Variants in SLC45A2 observed in about 807,000 individuals in gnomAD.
The protein encoded by SLC45A2 is membrane-associated transporter protein.
In SLC45A2, 36 loss-of-function variants were observed where a neutral mutation model predicts 45.5. The observed-to-expected ratio is 0.79, with a 90% CI of 0.61 to 1.04. The LOEUF is 1.04. SLC45A2 is among the 50% of genes least tolerant of loss of function. SLC45A2 has a pLI of 0.00. For synonymous variants in SLC45A2, 306 were observed against 269.3 expected (o/e 1.14, Z -1.33); for missense variants, 719 against 671.0 (o/e 1.07, Z -0.79).
At chr5:33,982,465 G>T (rs1009058929) in intron 1 of SLC45A2, 53 bp from the exon 2 acceptor site, 1 of 1,562,292 alleles carries the variant, frequency 6.4e-7, no homozygotes, top group African/African-American at 1.4e-5. Context: ...AATCATCCGC[G>T]TTTTGTAATT....
intron 2 of SLC45A2, among the ~76,000 whole-genome samples, chr5:33,965,037 T>C (rs1752565335): frequency 6.6e-6 from 1 of 152,242 alleles, no homozygotes; most frequent in Non-Finnish European, 1.5e-5. Flanking sequence ...CACAAACTTA[T>C]GTAGGACTGA....
intron 2 of SLC45A2, among the ~76,000 whole-genome samples, chr5:33,977,990 G>A (rs1406943373): frequency 6.6e-6 from 1 of 152,160 alleles, no homozygotes; most frequent in African/African-American, 2.4e-5. Flanking sequence ...GAAGAAACTG[G>A]AGACTGGAGA....
intron 6 of SLC45A2, 70 bp from the exon 7 acceptor site, chr5:33,944,942 T>A: frequency 6.8e-7 from 1 of 1,475,970 alleles, no homozygotes; most frequent in South Asian, 1.2e-5. Flanking sequence ...GTCAGCAAAA[T>A]TTTTCTGTGA....
intron 2 of SLC45A2, chr5:33,972,585 A>C (rs1172466507): frequency 5.9e-6 from 1 of 168,108 alleles, no homozygotes; most frequent in African/African-American, 2.4e-5. Flanking sequence ...AAAGTGGCTG[A>C]TTCTAAGACG....
At position 33,963,685 on chromosome 5, in the gene SLC45A2, C is replaced by A; in HGVS notation, c.888+6G>T. 1.9e-6 allele frequency: 3 copies of A among 1,613,574 alleles called. No individual in the cohort carries two copies. The highest frequency in any genetic ancestry group is 2.2e-5 in the South Asian group (2 of 91,066). Reference sequence around the variant, plus strand: ...CCCTTGTAAAGAAAAAATGTTGCATCTTTACCTGTTCAGCATGATTTTTGT... The same window carrying A: ...CCCTTGTAAAGAAAAAATGTTGCATATTTACCTGTTCAGCATGATTTTTGT... On this transcript the variant is annotated splice_donor_region_variant and intron_variant, in intron 3 of 6. Transcript: ENST00000296589.
intron 2 of SLC45A2, among the ~76,000 whole-genome samples, chr5:33,978,433 T>A (rs931505565): frequency 6.6e-6 from 1 of 152,060 alleles, no homozygotes; most frequent in African/African-American, 2.4e-5. Flanking sequence ...AGTTTTTTTT[T>A]AGAGAGCCTG....
At chr5:33,969,694 T>C (rs1490729142) in intron 2 of SLC45A2, among the ~76,000 whole-genome samples, 2 of 152,168 alleles carry the variant, frequency 1.3e-5, no homozygotes, top group Non-Finnish European at 1.5e-5. Flanking sequence ...GGTGCACACA[T>C]ATTGGTAAAT....
intron 2 of SLC45A2, among the ~76,000 whole-genome samples, chr5:33,973,268 G>A (rs978923572): frequency 2.0e-5 from 3 of 152,124 alleles, no homozygotes; most frequent in Non-Finnish European, 4.4e-5. Flanking sequence ...ATGGAAAAGA[G>A]ATGGCAATTT....
rs1027548730 is a variant in SLC45A2, at chr5:33,982,552, T to C, written c.386-140A>G. ...TTTTCCAAATAAAAATAGCTTTACA[T>C]TTTTTTTCAGGTTTTAAAAATTATG... On this transcript the variant is annotated intron_variant, in intron 1 of 6. Transcript: ENST00000296589. The C allele has an allele frequency of 3.6e-6, 3 of 827,942 alleles. No homozygotes were observed. In the African/African-American group the frequency reaches 5.2e-5, roughly 14 times the overall value. The allele number at this position is 827,942 out of a possible 1,614,324, so 51.3% of individuals were successfully genotyped here. A position where few individuals can be genotyped will look rare whatever the true frequency, so the allele number is the denominator to read the frequency against.
Position 33,963,569 on chromosome 5 carries a change from A to G in SLC45A2, c.888+122T>C. ...GATGATAGCTACGGGGGATTTGGGA[A>G]TTCAGTTAGACCCCATGAAACTCTT... On this transcript the variant is annotated intron_variant, in intron 3 of 6. Transcript: ENST00000296589. 16 of 1,094,884 alleles carry G rather than the reference A, an allele frequency of 1.5e-5. No individual in the cohort carries two copies. The South Asian group carries it at 1.7e-4, about 12-fold the overall frequency. 67.8% of individuals were successfully genotyped at this position (1,094,884 alleles called of 1,614,324 possible).
Position 33,946,543 on chromosome 5 carries a change from A to G in SLC45A2, c.1368+620T>C, listed in dbSNP as rs1435288218. 4 of 989,748 alleles carry G rather than the reference A, an allele frequency of 4.0e-6. No individual in the cohort carries two copies. The African/African-American group carries it at 7.0e-5, about 17-fold the overall frequency. The allele number at this position is 989,748 out of a possible 1,614,324, so 61.3% of individuals were successfully genotyped here. ...ACACCAACTCTGTTATAAGCACTGC[A>G]TAGGCGCTTGTTCACTAGTTGCGTT... is the stretch of plus-strand genomic sequence containing the variant. On this transcript the variant is annotated intron_variant, in intron 6 of 6. Transcript: ENST00000296589.
At chr5:33,945,072 T>C (rs1222628802) in intron 6 of SLC45A2, among the ~76,000 whole-genome samples, 200 bp from the exon 7 acceptor site, 1 of 152,260 alleles carries the variant, frequency 6.6e-6, no homozygotes, top group Non-Finnish European at 1.5e-5. Flanking sequence ...CTTTCCAATA[T>C]ATATTGATGG....
chr5:33,969,769 A>T (rs1752727769), intron 2 of SLC45A2, among the ~76,000 whole-genome samples: 1 of 152,088 alleles, frequency 6.6e-6, no homozygotes, highest in Non-Finnish European at 1.5e-5. Flanking sequence ...GGGTGGGAAG[A>T]GAGGAGCAGA....
At chr5:33,978,742 C>G (rs1020561637) in intron 2 of SLC45A2, among the ~76,000 whole-genome samples, 2 of 152,194 alleles carry the variant, frequency 1.3e-5, no homozygotes, top group African/African-American at 2.4e-5. Context: ...TAACTTCTAG[C>G]TCCCTAAAAT....
intron 3 of SLC45A2, among the ~76,000 whole-genome samples, chr5:33,958,377 A>C (rs1752338882): frequency 6.6e-6 from 1 of 152,152 alleles, no homozygotes; most frequent in South Asian, 2.1e-4. Context: ...GACCCTGGGG[A>C]AGTGCAGACT....
chr5:33,962,233 TG>T (rs527528078), intron 3 of SLC45A2, among the ~76,000 whole-genome samples: 2 of 152,268 alleles, frequency 1.3e-5, no homozygotes, highest in Non-Finnish European at 2.9e-5. Context: ...TGCAAATTCC[TG>T]GGCATAGAGA....
chr5:33,959,833 C>T (rs1579544326), intron 3 of SLC45A2, among the ~76,000 whole-genome samples: 1 of 152,064 alleles, frequency 6.6e-6, no homozygotes, highest in South Asian at 2.1e-4. Flanking sequence ...TGGAAAAATG[C>T]TAAGCAAATG....
chr5:33,959,060 C>T (rs1329114026), intron 3 of SLC45A2, among the ~76,000 whole-genome samples: 1 of 152,132 alleles, frequency 6.6e-6, no homozygotes, highest in East Asian at 1.9e-4. Context: ...TATTTGATTA[C>T]TTTTTCCCTT....
At position 33,963,741 on chromosome 5, in the gene SLC45A2, T is replaced by G. The variant is rs779190200; in HGVS notation, c.838A>C (p.Asn280His). Residue 280 changes from asparagine (N) to histidine (H), a missense_variant, in exon 3 of 7, where the codon AAT (asparagine) becomes CAT (histidine). Coordinates refer to ENST00000296589, the MANE Select transcript of SLC45A2 (RefSeq NM_016180.5). ...GCTCCCTGCATTGCCAGCTCTGGAT[T>G]TACGTAACCATTTTTAACTTTCTCG... ...SIEKVKNGYV[N>H]PELAMQGAKN... 6.2e-7 allele frequency: 1 copy of G among 1,614,182 alleles called. No homozygotes were observed. Among genetic ancestry groups the G allele is most frequent in the South Asian group, 1.1e-5 (1 of 91,080 alleles).
Sources: allele counts gnomAD v4.1 joint callset (sites outside exome capture counted in the v4.1 genomes callset), GRCh38; gene constraint gnomAD v4.1.1; transcripts MANE v1.5; gene names NCBI Gene and HGNC (gene_info 2026-07-23, HGNC 2026-07-21).